REN: variants seen among roughly 807,000 people sequenced by gnomAD.
REN encodes angiotensin-forming enzyme.
A neutral mutation model predicts 48.6 loss-of-function variants in REN; 42 were observed. The observed-to-expected ratio is 0.86, with a 90% CI of 0.68 to 1.12. The LOEUF (loss-of-function observed/expected upper bound fraction) is 1.12. REN is among the 50% of genes most tolerant of loss of function. The pLI is 0.00. For synonymous variants in REN, 196 were observed against 204.6 expected (o/e 0.96, Z 0.36); for missense variants, 443 against 527.3 (o/e 0.84, Z 1.57).
chr1:204,165,723 T>C (rs1392285181), intron 1 of REN, among the ~76,000 whole-genome samples: 1 of 152,046 alleles, frequency 6.6e-6, no homozygotes, highest in East Asian at 1.9e-4. Context: ...CCCGAGTAGC[T>C]GGGGATTACA....
At chr1:204,161,551 C>T in intron 2 of REN, 136 bp from the exon 3 acceptor site, 1 of 805,834 alleles carries the variant, frequency 1.2e-6, no homozygotes, top group Non-Finnish European at 1.8e-6. Flanking sequence ...TTTCCATTTT[C>T]CTGCAGGAAC....
chr1:204,162,127 G>A lies in REN; in HGVS notation c.135C>T (p.Ser45=), dbSNP rs1421907148. Reference sequence around the variant, plus strand: ...CCATGTCCACACCTCGTTCCTTCAGGCTTTCTCGGATTGAGGGCATTCTCT... The same window carrying A: ...CCATGTCCACACCTCGTTCCTTCAGACTTTCTCGGATTGAGGGCATTCTCT... The part of the protein sequence containing the change: ...FLKRMPSIRE[S]LKERGVDMAR... The change falls in exon 2 of 10, where the codon AGC becomes AGT. Residue 45 remains serine (S), a synonymous_variant. Coordinates refer to ENST00000272190, the MANE Select transcript of REN (RefSeq NM_000537.4). The A allele has an allele frequency of 6.2e-7, 1 of 1,614,172 alleles. No individual in the cohort carries two copies. The highest frequency in any genetic ancestry group is 2.2e-5 in the East Asian group (1 of 44,864).
At chr1:204,162,202 G>C (rs962067874) in intron 1 of REN, 39 bp from the exon 2 acceptor site, 2 of 1,611,002 alleles carry the variant, frequency 1.2e-6, no homozygotes, top group Non-Finnish European at 1.7e-6. Context: ...GAAAAGTGCT[G>C]TACCTCCACC....
At position 204,164,713 on chromosome 1, in the gene REN, G is replaced by C. The variant is rs537630188; in HGVS notation, c.98+1483C>G. Among the ~76,000 whole-genome samples the C allele has an allele frequency of 6.6e-5, 10 of 151,774 alleles. No homozygotes were observed. The South Asian group carries it at 2.1e-3, about 32-fold the overall frequency. On this transcript the variant is annotated intron_variant, in intron 1 of 9. Coordinates refer to ENST00000272190, the MANE Select transcript of REN (RefSeq NM_000537.4). ...AGCCTCCCGAGTAGCTGGGACTACA[G>C]ATTTGCACCACCACACCTAGCTAAT...
At chr1:204,160,709 C>A in intron 3 of REN, 31 bp from the exon 4 acceptor site, 1 of 1,528,234 alleles carries the variant, frequency 6.5e-7, no homozygotes, top group Non-Finnish European at 9.1e-7. Flanking sequence ...CAGGTTTGTC[C>A]AAGAGTGGCC....
intron 3 of REN, 139 bp downstream of exon 3, chr1:204,161,153 A>G: frequency 1.0e-6 from 1 of 985,956 alleles, no homozygotes; most frequent in Non-Finnish European, 1.5e-6. Context: ...CCTCTCCCCT[A>G]CATGTCAGTG....
At chr1:204,155,794 A>G (rs964321735) in intron 9 of REN, 26 bp downstream of exon 9, 3 of 1,563,624 alleles carry the variant, frequency 1.9e-6, no homozygotes, top group East Asian at 4.5e-5. Flanking sequence ...TCTCCCTGCC[A>G]CCGAGGGGGC....
At chr1:204,160,499 T>C in intron 4 of REN, 61 bp downstream of exon 4, 2 of 1,141,174 alleles carry the variant, frequency 1.8e-6, no homozygotes, top group African/African-American at 1.5e-5. Context: ...CCCTGGAGGG[T>C]CAGGAGAGGC....
rs373309460 is a variant in REN at position 204,161,389 on chromosome 1, G to A, written c.276C>T (p.Ile92=). The A allele has an allele frequency of 1.2e-4, 198 of 1,596,594 alleles. No individual in the cohort carries two copies. The highest frequency in any genetic ancestry group is 1.4e-4 in the Non-Finnish European group (164 of 1,171,128). ...MDTQYYGEIG[I]GTPPQTFKVV... is the part of the protein sequence containing the mutation. Reference sequence around the variant, plus strand: ...CTTTGAAGGTCTGGGGTGGGGTGCCGATGCCAATCTCGCCATAGTACTGGG... The same window carrying A: ...CTTTGAAGGTCTGGGGTGGGGTGCCAATGCCAATCTCGCCATAGTACTGGG... Residue 92 remains isoleucine, a synonymous_variant, in exon 3 of 10, where the codon ATC becomes ATT. Transcript: ENST00000272190.
rs745330782 is a variant in REN, at chr1:204,156,318, C to A, written c.820G>T (p.Val274Leu). The A allele has an allele frequency of 6.8e-6, 11 of 1,610,662 alleles. No individual in the cohort carries two copies. Among genetic ancestry groups the A allele is most frequent in the Non-Finnish European group, 9.3e-6 (11 of 1,178,710 alleles). Residue 274 changes from valine to leucine, a missense_variant and splice_region_variant, in exon 8 of 10, where the codon GTG (valine) becomes TTG (leucine). Coordinates refer to ENST00000272190, the MANE Select transcript of REN (RefSeq NM_000537.4). This position sits in a 1 kb window ranked among gnomAD's most constrained non-coding sequence, Gnocchi z 4.2. ...TGVWQIQMKG[V>L]SVGSSTLLCE... ...AGCAAGGTGGATGACCCCACAGACA[C>A]CCTGGGGGAGGCCACAGTCAGACAG...
intron 5 of REN, among the ~76,000 whole-genome samples, chr1:204,158,438 G>A (rs980024108): frequency 1.8e-5 from 2 of 111,150 alleles, no homozygotes; most frequent in Non-Finnish European, 3.5e-5. Flanking sequence ...TTTTTTTTGA[G>A]ACTGGATCTC....
Position 204,161,392 on chromosome 1 carries a change from G to A in REN, c.273C>T (p.Gly91=), listed in dbSNP as rs1126947. ...TGAAGGTCTGGGGTGGGGTGCCGAT[G>A]CCAATCTCGCCATAGTACTGGGTCT... The part of the protein sequence containing the change: ...YMDTQYYGEI[G]IGTPPQTFKV... The change falls in exon 3 of 10, where the codon GGC becomes GGT. Residue 91 remains glycine, a synonymous_variant. Coordinates refer to ENST00000272190, the MANE Select transcript of REN (RefSeq NM_000537.4). 2 of 1,595,434 alleles carry A rather than the reference G, an allele frequency of 1.3e-6. No individual in the cohort carries two copies. The highest frequency in any genetic ancestry group is 8.5e-7 in the Non-Finnish European group (1 of 1,170,346).
At position 204,156,320 on chromosome 1, in the gene REN, C is replaced by A. The variant is rs775103233; in HGVS notation, c.819-1G>T. 6.4e-7 allele frequency: 1 copy of A among 1,552,630 alleles called. No homozygotes were observed. The highest frequency in any genetic ancestry group is 1.1e-5 in the South Asian group (1 of 89,934). The stretch of plus-strand genomic sequence containing the variant: ...CAAGGTGGATGACCCCACAGACACC[C>A]TGGGGGAGGCCACAGTCAGACAGAC... On this transcript the variant is annotated splice_acceptor_variant, in intron 7 of 9. Coordinates refer to ENST00000272190, the MANE Select transcript of REN (RefSeq NM_000537.4). LOFTEE classifies it high-confidence loss of function. The surrounding 1 kb of genome is among the most constrained non-coding windows in gnomAD (Gnocchi z 4.2).
At chr1:204,159,992 A>G (rs1658214679) in intron 4 of REN, among the ~76,000 whole-genome samples, 1 of 152,076 alleles carries the variant, frequency 6.6e-6, no homozygotes, top group Non-Finnish European at 1.5e-5. Context: ...TTTATATCTG[A>G]GTTCACAGAA....
rs11571121 is a variant in REN at position 204,156,060 on chromosome 1, G to C, written c.960+118C>G. ...CCATGGGTGACCAGCCACATGTGTG[G>C]AGAGTGTGAGGTGAACAAGCGAAGG... On this transcript the variant is annotated intron_variant, in intron 8 of 9. Coordinates refer to ENST00000272190, the MANE Select transcript of REN (RefSeq NM_000537.4). This position sits in a 1 kb window ranked among gnomAD's most constrained non-coding sequence, Gnocchi z 4.2. 919 of 1,511,666 alleles carry C rather than the reference G, an allele frequency of 6.1e-4. 5 individuals are homozygous for C. The African/African-American group carries it at 0.011, about 19-fold the overall frequency. 93.6% of individuals were successfully genotyped at this position (1,511,666 alleles called of 1,614,324 possible). A position where few individuals can be genotyped will look rare whatever the true frequency, so the allele number is the denominator to read the frequency against.
rs137994052 is a variant in REN at position 204,160,547 on chromosome 1, C to T, written c.492+13G>A. On this transcript the variant is annotated intron_variant, in intron 4 of 9. Coordinates refer to ENST00000272190, the MANE Select transcript of REN (RefSeq NM_000537.4). ...GGGGTCCGGGGCAGATGACCTAGGG[C>T]GGCCCAACTTACGGTGATGATGTCC... 31 of 1,580,564 alleles carry T rather than the reference C, an allele frequency of 2.0e-5. No homozygotes were observed. The highest frequency in any genetic ancestry group is 1.4e-4 in the South Asian group (13 of 90,412).
intron 1 of REN, among the ~76,000 whole-genome samples, chr1:204,162,974 A>AAAATGAAGGCTCAC (rs1658276004): frequency 6.6e-6 from 1 of 152,268 alleles, no homozygotes; most frequent in African/African-American, 2.4e-5. Context: ...ATAGATGAGA[A>AAAATGAAGGCTCAC]AAATGAAGGC....
chr1:204,155,234 C>G, intron 9 of REN, 57 bp from the exon 10 acceptor site: 1 of 1,588,566 alleles, frequency 6.3e-7, no homozygotes, highest in Non-Finnish European at 8.6e-7. Context: ...CTCCTTTCAC[C>G]TTGCCTGACC....
rs202040411 is a variant in REN, at chr1:204,156,364, A to ACAGACAGAC, written c.819-46_819-45insGTCTGTCTG. 2.0e-5 allele frequency: 32 copies of ACAGACAGAC among 1,601,700 alleles called. No individual in the cohort carries two copies. Among genetic ancestry groups the ACAGACAGAC allele is most frequent in the Admixed American group, 1.8e-4 (11 of 59,516 alleles). On this transcript the variant is annotated intron_variant, in intron 7 of 9. Transcript: ENST00000272190. The surrounding 1 kb of genome is among the most constrained non-coding windows in gnomAD (Gnocchi z 4.2). ...GACAGACAGACAGACAGACAGACAGAAGGCTGATGGGGCACCTCCAGGCTG... is the reference window on the plus strand; with the variant it reads ...GACAGACAGACAGACAGACAGACAGACAGACAGACAGGCTGATGGGGCACCTCCAGGCTG...
Sources: allele counts gnomAD v4.1 joint callset (sites outside exome capture counted in the v4.1 genomes callset), GRCh38; gene constraint gnomAD v4.1.1; non-coding constraint Gnocchi (gnomAD v3.1); transcripts MANE v1.5; gene names NCBI Gene and HGNC (gene_info 2026-07-23, HGNC 2026-07-21).